Variants in RIC1 observed in about 807,000 individuals in gnomAD.
RIC1 encodes the protein RIC1 partner of RAB6A GEF complex.
Under a neutral mutation model 169.0 loss-of-function variants are expected in RIC1, and 88 were observed. That is an observed-to-expected ratio of 0.52 (90% CI 0.44 to 0.62). The LOEUF (loss-of-function observed/expected upper bound fraction) is 0.62. Ranked by LOEUF, RIC1 falls within the 20% of genes least tolerant of loss-of-function variation. The probability of loss-of-function intolerance (pLI) is 0.00; values close to 1 mark genes in which losing one functional copy is unlikely to be tolerated. For synonymous variants in RIC1, 790 were observed against 601.5 expected (o/e 1.31, Z -4.59); for missense variants, 1,877 against 1,725.5 (o/e 1.09, Z -1.56).
intron 6 of RIC1, among the ~76,000 whole-genome samples, chr9:5,724,186 C>T (rs1468523443): frequency 1.3e-5 from 2 of 152,188 alleles, no homozygotes; most frequent in African/African-American, 4.8e-5. Flanking sequence ...TCTTCCTATC[C>T]ATGAGCATGG....
chr9:5,762,492 G>T (rs750201969), intron 17 of RIC1, 49 bp from the exon 18 acceptor site: 66 of 1,606,228 alleles, frequency 4.1e-5, no homozygotes, highest in Non-Finnish European at 5.4e-5. Context: ...GATGCGGAAA[G>T]CATACCGATA....
Position 5,769,115 on chromosome 9 carries a change from T to G in RIC1, c.3283T>G (p.Cys1095Gly). ...GGGCTTTGAACTAATTAGTTGGCTA[T>G]GCAAGGAACGTACCCGAGCCGCCCG... Reference protein sequence around the residue: ...QLGFELISWLCKERTRAARVD... With the variant: ...QLGFELISWLGKERTRAARVD... The change falls in exon 22 of 26, where the codon TGC (cysteine) becomes GGC (glycine). Residue 1095 changes from cysteine (C) to glycine (G), a missense_variant. Coordinates refer to ENST00000414202, the MANE Select transcript of RIC1 (RefSeq NM_020829.4). 1 of 1,614,078 alleles carries G rather than the reference T, an allele frequency of 6.2e-7. No individual in the cohort carries two copies. Among genetic ancestry groups the G allele is most frequent in the Non-Finnish European group, 8.5e-7 (1 of 1,179,966 alleles).
chr9:5,649,397 C>T (rs939372105), intron 1 of RIC1, among the ~76,000 whole-genome samples: 2 of 151,922 alleles, frequency 1.3e-5, no homozygotes, highest in Non-Finnish European at 2.9e-5. Context: ...CTTATTTATT[C>T]TTGTTTTGTT....
At position 5,768,956 on chromosome 9, in the gene RIC1, G is replaced by T; in HGVS notation, c.3138-14G>T. On this transcript the variant is annotated splice_polypyrimidine_tract_variant and intron_variant, in intron 21 of 25. Transcript: ENST00000414202. ...AAAGATTATTCTGTAGCTTTCTTGT[G>T]TTTCCACTTACAGATGGAGCAAAGA... is the stretch of plus-strand genomic sequence containing the variant. 1 of 1,591,724 alleles carries T rather than the reference G, an allele frequency of 6.3e-7. No individual in the cohort carries two copies. Among genetic ancestry groups the T allele is most frequent in the Non-Finnish European group, 8.5e-7 (1 of 1,170,638 alleles).
intron 3 of RIC1, among the ~76,000 whole-genome samples, chr9:5,699,616 C>T (rs942735537): frequency 6.6e-6 from 1 of 151,816 alleles, no homozygotes; most frequent in African/African-American, 2.4e-5. Flanking sequence ...AACCTAGTGT[C>T]TCTAGATTTG....
chr9:5,654,353 T>C (rs1220534071), intron 1 of RIC1, among the ~76,000 whole-genome samples: 1 of 152,166 alleles, frequency 6.6e-6, no homozygotes, highest in Non-Finnish European at 1.5e-5. Context: ...TTCAAGCGAT[T>C]CTCCTGCCAC....
chr9:5,668,257 T>C (rs897632149), intron 2 of RIC1, among the ~76,000 whole-genome samples: 2 of 152,186 alleles, frequency 1.3e-5, no homozygotes, highest in South Asian at 4.1e-4. Flanking sequence ...TTATGGGAAC[T>C]ACAATTCAAG....
intron 3 of RIC1, among the ~76,000 whole-genome samples, chr9:5,696,217 T>C (rs1359556642): frequency 1.3e-5 from 2 of 152,150 alleles, no homozygotes; most frequent in Non-Finnish European, 2.9e-5. Context: ...CCTAGTCTCT[T>C]TCACCTACAT....
At chr9:5,729,746 C>G (rs558639428) in intron 6 of RIC1, among the ~76,000 whole-genome samples, 3 of 152,122 alleles carry the variant, frequency 2.0e-5, no homozygotes, top group East Asian at 1.9e-4. Flanking sequence ...CTTCCGTTAT[C>G]AACTTTATTC....
At chr9:5,754,390 C>T (rs1239829052) in intron 14 of RIC1, among the ~76,000 whole-genome samples, 2 of 152,062 alleles carry the variant, frequency 1.3e-5, no homozygotes, top group South Asian at 2.1e-4. Flanking sequence ...TTAATAAAGG[C>T]TCTAGAGTTA....
At chr9:5,771,766 T>C (rs1827238905) in intron 23 of RIC1, among the ~76,000 whole-genome samples, 1 of 152,182 alleles carries the variant, frequency 6.6e-6, no homozygotes, top group Non-Finnish European at 1.5e-5. Flanking sequence ...TAATTTCAAA[T>C]ATATTAAAAA....
At chr9:5,691,996 A>G (rs1821615138) in intron 3 of RIC1, among the ~76,000 whole-genome samples, 1 of 152,078 alleles carries the variant, frequency 6.6e-6, no homozygotes, top group South Asian at 2.1e-4. Context: ...TGCAAGAGAC[A>G]CCAGTTAACT....
intron 1 of RIC1, among the ~76,000 whole-genome samples, chr9:5,641,391 G>C (rs1032119560): frequency 6.6e-6 from 1 of 151,358 alleles, no homozygotes; most frequent in Non-Finnish European, 1.5e-5. Flanking sequence ...GCGCCCGGCC[G>C]CCATGAGGTA....
At chr9:5,660,674 TC>T (rs1399636693) in intron 2 of RIC1, among the ~76,000 whole-genome samples, 1 of 152,212 alleles carries the variant, frequency 6.6e-6, no homozygotes, top group Non-Finnish European at 1.5e-5. Context: ...TCTGTTCATG[TC>T]CTTTGCCCAC....
At chr9:5,699,789 TG>T (rs1185176901) in intron 3 of RIC1, among the ~76,000 whole-genome samples, 1 of 152,198 alleles carries the variant, frequency 6.6e-6, no homozygotes, top group Non-Finnish European at 1.5e-5. Context: ...ATTATATTAT[TG>T]GATTTCATAT....
At position 5,742,001 on chromosome 9, in the gene RIC1, T is replaced by C. The variant is rs531606969; in HGVS notation, c.902-868T>C. On this transcript the variant is annotated intron_variant, in intron 8 of 25. Coordinates refer to ENST00000414202, the MANE Select transcript of RIC1 (RefSeq NM_020829.4). Reference sequence around the variant, plus strand: ...GACCCTTTGCATTGTATTCTCTGTTTGAACCACATTAAATTGCACAAATTA... The same window carrying C: ...GACCCTTTGCATTGTATTCTCTGTTCGAACCACATTAAATTGCACAAATTA... 5.1e-4 allele frequency among the ~76,000 whole-genome samples: 77 copies of C among 152,310 alleles called. 1 individual carries two copies. The highest frequency in any genetic ancestry group is 1.6e-3 in the African/African-American group (67 of 41,578).
intron 4 of RIC1, among the ~76,000 whole-genome samples, chr9:5,718,335 T>G (rs2130853927): frequency 6.6e-6 from 1 of 152,242 alleles, no homozygotes; most frequent in South Asian, 2.1e-4. Flanking sequence ...TAACATTCCA[T>G]TTTAAGACAA....
intron 2 of RIC1, among the ~76,000 whole-genome samples, chr9:5,672,812 A>G (rs1820189969): frequency 6.6e-6 from 1 of 152,216 alleles, no homozygotes; most frequent in Admixed American, 6.5e-5. Flanking sequence ...AATTTCAGTC[A>G]TGAGAAAAAT....
chr9:5,768,739 T>G (rs72693754), intron 21 of RIC1, among the ~76,000 whole-genome samples: 4,263 of 152,250 alleles, frequency 0.028, 88 homozygotes, highest in African/African-American at 0.05. Context: ...TCTGTCCCCC[T>G]TTTCCTGTTC....
Sources: allele counts gnomAD v4.1 joint callset (sites outside exome capture counted in the v4.1 genomes callset), GRCh38; gene constraint gnomAD v4.1.1; transcripts MANE v1.5; gene names NCBI Gene and HGNC (gene_info 2026-07-23, HGNC 2026-07-21).